LUC7L: variants seen among roughly 807,000 people sequenced by gnomAD.
LUC7L encodes putative RNA-binding protein Luc7-like 1.
Under a neutral mutation model 51.1 loss-of-function variants are expected in LUC7L, and 29 were observed. That is an observed-to-expected ratio of 0.57 (90% CI 0.42 to 0.77). LUC7L has a LOEUF of 0.77. LUC7L is among the 30% of genes least tolerant of loss of function. The pLI is 0.00. For missense variants in LUC7L, 403 were observed against 511.9 expected (o/e 0.79, Z 2.05); for synonymous variants, 181 against 180.7 (o/e 1.00, Z -0.01).
chr16:194,728 T>C (rs1284021435), intron 6 of LUC7L, among the ~76,000 whole-genome samples: 1 of 152,120 alleles, frequency 6.6e-6, no homozygotes, highest in African/African-American at 2.4e-5. Flanking sequence ...ATGTGAATCA[T>C]CAGGCTTGAT....
chr16:201,067 G>A (rs1288872453), intron 5 of LUC7L, among the ~76,000 whole-genome samples: 2 of 150,946 alleles, frequency 1.3e-5, no homozygotes, highest in African/African-American at 4.9e-5. Flanking sequence ...CTACTCGGGA[G>A]GCTGAGTCTG....
chr16:227,814 T>G, intron 1 of LUC7L: 26 of 1,000,464 alleles, frequency 2.6e-5, no homozygotes, highest in Non-Finnish European at 3.1e-5. Flanking sequence ...GCTTTCAAAC[T>G]CTATCGAAGA....
chr16:202,426 A>G (rs907417670), intron 5 of LUC7L, among the ~76,000 whole-genome samples: 1 of 152,138 alleles, frequency 6.6e-6, no homozygotes, highest in African/African-American at 2.4e-5. Context: ...TGGACGTGCC[A>G]CACATCCAAA....
chr16:190,047 G>A lies in LUC7L; in HGVS notation c.895C>T (p.His299Tyr), dbSNP rs1428622478. 3 of 1,613,744 alleles carry A rather than the reference G, an allele frequency of 1.9e-6. No homozygotes were observed. Among genetic ancestry groups the A allele is most frequent in the Admixed American group, 3.3e-5 (2 of 59,960 alleles). The change falls in exon 9 of 10, where the codon CAT (histidine) becomes TAT (tyrosine). Residue 299 changes from histidine to tyrosine, a missense_variant. By Grantham distance (83) the His-to-Tyr change is moderately conservative. Transcript: ENST00000293872. ...KLSRSRSRDR[H>Y]RRHRSRSRSH... is the part of the protein sequence containing the mutation. ...CGGGAACGGCTGCGGTGGCGCCGATGTCTATCTCGGGACCGGGACCGGGAC... is the reference window on the plus strand; with the variant it reads ...CGGGAACGGCTGCGGTGGCGCCGATATCTATCTCGGGACCGGGACCGGGAC...
At chr16:225,488 T>C (rs1330296781) in intron 2 of LUC7L, among the ~76,000 whole-genome samples, 1 of 129,528 alleles carries the variant, frequency 7.7e-6, no homozygotes, top group Non-Finnish European at 1.7e-5. Context: ...CTCCGTCTCT[T>C]TTTTTTTTTT....
chr16:217,573 G>A (rs567666838), intron 3 of LUC7L, among the ~76,000 whole-genome samples: 1 of 151,604 alleles, frequency 6.6e-6, no homozygotes, highest in Non-Finnish European at 1.5e-5. Flanking sequence ...CAGGCGTAGC[G>A]ATGTGCACCT....
At chr16:229,131 C>T in intron 1 of LUC7L, 148 bp downstream of exon 1, 1 of 1,405,066 alleles carries the variant, frequency 7.1e-7, no homozygotes, top group Non-Finnish European at 9.2e-7. Context: ...AGACAAAGGC[C>T]CGGCGCCTGC....
At chr16:218,738 A>T (rs548237597) in intron 3 of LUC7L, among the ~76,000 whole-genome samples, 2 of 151,788 alleles carry the variant, frequency 1.3e-5, no homozygotes, top group South Asian at 4.2e-4. Flanking sequence ...CAGAAAAAAG[A>T]ATCTTAAAAG....
Position 206,070 on chromosome 16 carries a change from A to G in LUC7L, c.444T>C (p.Asn148=). ...AKAEQLGAEG[N]VDESQKILME... ...TAAGAATCTTCTGGGATTCATCCAC[A>G]TTACCTTCAGCCCCTAGCTGTTCGG... The change falls in exon 5 of 10, where the codon AAT becomes AAC. Residue 148 remains asparagine, a synonymous_variant. Transcript: ENST00000293872. 1.2e-6 allele frequency: 2 copies of G among 1,613,806 alleles called. No homozygotes were observed. The highest frequency in any genetic ancestry group is 1.7e-6 in the Non-Finnish European group (2 of 1,179,932).
At chr16:227,789 T>G in intron 1 of LUC7L, 1 of 999,040 alleles carries the variant, frequency 1.0e-6, no homozygotes, top group Non-Finnish European at 1.2e-6. Flanking sequence ...TGCCCAAAAT[T>G]GAATGAAGAA....
chr16:226,134 C>G (rs1170171796), intron 2 of LUC7L, among the ~76,000 whole-genome samples: 1 of 152,188 alleles, frequency 6.6e-6, no homozygotes, highest in African/African-American at 2.4e-5. Context: ...CCCCAAGGAA[C>G]AGAGGCACAA....
chr16:221,048 T>C (rs1297786630), intron 2 of LUC7L, among the ~76,000 whole-genome samples: 1 of 151,954 alleles, frequency 6.6e-6, no homozygotes, highest in Admixed American at 6.6e-5. Flanking sequence ...TTTTAAGGAG[T>C]CTCACCTGTC....
intron 1 of LUC7L, 58 bp downstream of exon 1, chr16:229,221 C>G (rs760316777): frequency 1.3e-6 from 2 of 1,509,340 alleles, no homozygotes; most frequent in Non-Finnish European, 1.8e-6. Context: ...TCAGGCCGCC[C>G]GGCGGCCTCG....
intron 3 of LUC7L, among the ~76,000 whole-genome samples, chr16:211,472 C>G (rs1359962316): frequency 6.6e-6 from 1 of 152,128 alleles, no homozygotes; most frequent in Non-Finnish European, 1.5e-5. Context: ...AAAACAACAA[C>G]TATAAATGGT....
chr16:225,735 TCGGCCTCCCAAAGTACTG>T (rs1484367551), intron 2 of LUC7L, among the ~76,000 whole-genome samples: 1 of 151,122 alleles, frequency 6.6e-6, no homozygotes, highest in African/African-American at 2.4e-5. Context: ...TCCACCCGCC[TCGGCCTCCCAAAGTACTG>T]GGATTACAGG....
At chr16:219,000 G>C (rs1028556026) in intron 3 of LUC7L, among the ~76,000 whole-genome samples, 1 of 149,578 alleles carries the variant, frequency 6.7e-6, no homozygotes, top group African/African-American at 2.5e-5. Context: ...TCAGGAATCC[G>C]AGGCAGGGCT....
In LUC7L at chr16:198,136, G is replaced by A. The variant is rs568080150; in HGVS notation, c.687+926C>T. Among the ~76,000 whole-genome samples, 143 of 151,828 alleles carry A rather than the reference G, an allele frequency of 9.4e-4. 2 individuals are homozygous for A. Among genetic ancestry groups the A allele is most frequent in the African/African-American group, 1.2e-3 (50 of 41,428 alleles). ...ACAACAACAACAACAAAAATTAGCC[G>A]GGCGTGGTGGCAGGCACCTGTAGTC... On this transcript the variant is annotated intron_variant, in intron 6 of 9. Transcript: ENST00000293872.
At position 229,089 on chromosome 16, in the gene LUC7L, G is replaced by C. The variant is rs531595071; in HGVS notation, c.61+190C>G. On this transcript the variant is annotated intron_variant, in intron 1 of 9. Transcript: ENST00000293872. ...GACTCCGAGAGAGGAGCCCGACCTG[G>C]ACCCACGGCCGCCTCAGAGACGCAC... 1,982 of 1,411,202 alleles carry C rather than the reference G, an allele frequency of 1.4e-3. 11 individuals are homozygous for C. The highest frequency in any genetic ancestry group is 0.011 in the African/African-American group (706 of 67,050). The allele number at this position is 1,411,202 out of a possible 1,614,324, so 87.4% of individuals were successfully genotyped here.
intron 6 of LUC7L, 137 bp from the exon 7 acceptor site, chr16:193,152 AC>A: frequency 1.4e-6 from 1 of 736,472 alleles, no homozygotes; most frequent in East Asian, 2.5e-5. Context: ...AAATGGGAAT[AC>A]TTTTTTTTTT....
Sources: allele counts gnomAD v4.1 joint callset (sites outside exome capture counted in the v4.1 genomes callset), GRCh38; gene constraint gnomAD v4.1.1; transcripts MANE v1.5; gene names NCBI Gene and HGNC (gene_info 2026-07-23, HGNC 2026-07-21).